TET3: variants seen among roughly 807,000 people sequenced by gnomAD.
TET3 encodes the protein methylcytosine dioxygenase TET3.
In TET3, 19 loss-of-function variants were observed where a neutral mutation model predicts 141.4. The observed-to-expected ratio is 0.13, with a 90% CI of 0.09 to 0.20. TET3 has a LOEUF of 0.20. Ranked by LOEUF, TET3 falls within the 10% of genes least tolerant of loss-of-function variation. The probability of loss-of-function intolerance (pLI) is 1.00; values close to 1 mark genes in which losing one functional copy is unlikely to be tolerated. For missense variants in TET3, 1,874 were observed against 2,356.9 expected, an observed-to-expected ratio of 0.80 and a Z score of 4.24; for synonymous variants, 1,043 against 980.9, an observed-to-expected ratio of 1.06 and a Z score of -1.18.
At chr2:74,120,013 G>C in the TET3 span, among the ~76,000 whole-genome samples, 1 of 152,202 alleles carries the variant, frequency 6.6e-6, no homozygotes, top group African/African-American at 2.4e-5. Context: ...TTACAGGCCT[G>C]AGGTGTCAGC....
intron 3 of TET3, among the ~76,000 whole-genome samples, chr2:74,043,750 G>A (rs982752716): frequency 3.3e-5 from 5 of 152,114 alleles, no homozygotes; most frequent in Admixed American, 3.3e-4. Flanking sequence ...GCGGGCTGGG[G>A]CCTCTGCTAA....
chr2:74,071,323 A>G (rs1043970321), intron 4 of TET3, among the ~76,000 whole-genome samples: 1 of 152,250 alleles, frequency 6.6e-6, no homozygotes, highest in Admixed American at 6.5e-5. Context: ...TTCAGTCCAC[A>G]GCAGGCTGTC....
chr2:74,050,938 G>A (rs139774118), intron 4 of TET3, among the ~76,000 whole-genome samples: 17 of 152,054 alleles, frequency 1.1e-4, no homozygotes, highest in Admixed American at 8.5e-4. Context: ...TTTTACCTCC[G>A]AGGCCCATGC....
At chr2:74,090,706 G>GGGA (rs1690442029) in intron 8 of TET3, among the ~76,000 whole-genome samples, 5 of 152,222 alleles carry the variant, frequency 3.3e-5, no homozygotes, top group Admixed American at 3.3e-4. Context: ...GTGGGGGCCG[G>GGGA]AGCATCTGCT....
intron 2 of TET3, 25 bp downstream of exon 2, chr2:73,986,731 C>T (rs1389524099): frequency 8.1e-7 from 1 of 1,231,604 alleles, no homozygotes; most frequent in Non-Finnish European, 1.0e-6. Flanking sequence ...GCTGGGCTAC[C>T]CTGTTCCTTC....
At chr2:74,016,336 A>G (rs1444448591) in intron 3 of TET3, among the ~76,000 whole-genome samples, 1 of 152,032 alleles carries the variant, frequency 6.6e-6, no homozygotes, top group Admixed American at 6.6e-5. Flanking sequence ...ATGGACTGTT[A>G]CTTACTCATG....
chr2:73,985,572 C>T (rs1346447312), intron 1 of TET3, among the ~76,000 whole-genome samples: 1 of 149,696 alleles, frequency 6.7e-6, no homozygotes, highest in Non-Finnish European at 1.5e-5. Flanking sequence ...AGGCGGCTTC[C>T]GTGCCGGGGG....
In TET3 at chr2:74,072,498, G is replaced by A. The variant is rs557497039; in HGVS notation, c.2495-1051G>A. The stretch of plus-strand genomic sequence containing the variant: ...TTGCACTCCAGCCTGGGCAACAAGA[G>A]CAAAACTCCATCTAAAAAAAAAAAA... On this transcript the variant is annotated intron_variant, in intron 4 of 11. Transcript: ENST00000409262. Among the ~76,000 whole-genome samples, 13 of 146,800 alleles carry A rather than the reference G, an allele frequency of 8.9e-5. No individual in the cohort carries two copies. In the South Asian group the frequency reaches 2.6e-3, roughly 29 times the overall value.
chr2:74,007,798 GTTTT>G (rs1168455152), intron 3 of TET3, among the ~76,000 whole-genome samples: 1 of 152,192 alleles, frequency 6.6e-6, no homozygotes. Flanking sequence ...GGAAGGACCA[GTTTT>G]TTTGTTTGTT....
the TET3 span, among the ~76,000 whole-genome samples, chr2:74,129,316 CAAAAAAAAAAAA>C: frequency 1.9e-5 from 1 of 51,292 alleles, no homozygotes; most frequent in Non-Finnish European, 3.4e-5. Flanking sequence ...AACTCCGTCT[CAAAAAAAAAAAA>C]AAAAAAAAAA....
chr2:74,074,345 G>A (rs1014196998), intron 5 of TET3, among the ~76,000 whole-genome samples: 1 of 152,228 alleles, frequency 6.6e-6, no homozygotes, highest in African/African-American at 2.4e-5. Context: ...GGCTGCTTAT[G>A]TAGAAAGAGC....
At chr2:73,996,050 C>T (rs1684577749) in intron 2 of TET3, among the ~76,000 whole-genome samples, 1 of 152,152 alleles carries the variant, frequency 6.6e-6, no homozygotes, top group South Asian at 2.1e-4. Context: ...CAGTCTTGGT[C>T]AGCAGCCCCA....
chr2:74,083,227 C>T (rs190946908), intron 6 of TET3, among the ~76,000 whole-genome samples: 5 of 152,302 alleles, frequency 3.3e-5, no homozygotes, highest in African/African-American at 9.6e-5. Flanking sequence ...AGATTCCAGG[C>T]GTGCCCTGGT....
chr2:74,072,466 C>T (rs1040989865), intron 4 of TET3, among the ~76,000 whole-genome samples: 1 of 150,686 alleles, frequency 6.6e-6, no homozygotes, highest in East Asian at 1.9e-4. Flanking sequence ...GAGCCAAGAT[C>T]GCGCCATTGC....
chr2:74,089,355 G>T (rs1452295886), intron 7 of TET3, among the ~76,000 whole-genome samples: 2 of 152,140 alleles, frequency 1.3e-5, no homozygotes, highest in African/African-American at 2.4e-5. Flanking sequence ...TTATCAATGA[G>T]TCGTAATCCA....
At chr2:74,129,346 A>AAAAAAAG in the TET3 span, among the ~76,000 whole-genome samples, 1 of 127,896 alleles carries the variant, frequency 7.8e-6, no homozygotes, top group Non-Finnish European at 1.6e-5. Flanking sequence ...AAAAAAAAAA[A>AAAAAAAG]ACCCGGCCGG....
In TET3 at chr2:74,047,384, G is replaced by T. The variant is rs1315128954; in HGVS notation, c.1467G>T (p.Lys489Asn). 1.9e-6 allele frequency: 3 copies of T among 1,613,670 alleles called. No individual in the cohort carries two copies. Among genetic ancestry groups the T allele is most frequent in the Non-Finnish European group, 2.5e-6 (3 of 1,179,880 alleles). ...CTGAGGCCCTGCCTACCAAGCCCAA[G>T]GTCAAGGTGGAGGCACCCTCTTCCT... is the stretch of plus-strand genomic sequence containing the variant. ...KRPEALPTKP[K>N]VKVEAPSSSP... Residue 489 changes from lysine to asparagine, a missense_variant, in exon 4 of 12, where the codon AAG (lysine) becomes AAT (asparagine). Physicochemically the swap from Lys to Asn is moderately conservative, Grantham distance 94. This residue lies in a region of TET3 where 484 missense variants were observed against 462.2 expected (regional missense o/e 1.05). Transcript: ENST00000409262.
At position 74,101,493 on chromosome 2, in the gene TET3, G is replaced by C. The variant is rs1183000775; in HGVS notation, c.4705G>C (p.Ala1569Pro). ...GAAAGGAGAGGAGGGCAGGATTCCA[G>C]CCGCAGGGGCCAGCCAGCTGGACAG... ...PMKGEEGRIP[A>P]AGASQLDRAW... The change falls in exon 12 of 12, where the codon GCC becomes CCC. Residue 1569 changes from alanine (A) to proline (P), a missense_variant. Physicochemically the swap from Ala to Pro is conservative, Grantham distance 27. Transcript: ENST00000409262. This position sits in a 1 kb window ranked among gnomAD's most constrained non-coding sequence, Gnocchi z 8.5. 1 of 1,613,146 alleles carries C rather than the reference G, an allele frequency of 6.2e-7. No homozygotes were observed. The highest frequency in any genetic ancestry group is 1.7e-5 in the Admixed American group (1 of 59,920).
At chr2:74,078,361 A>G (rs1326315914) in intron 5 of TET3, among the ~76,000 whole-genome samples, 2 of 152,238 alleles carry the variant, frequency 1.3e-5, no homozygotes, top group African/African-American at 2.4e-5. Flanking sequence ...AGATAAATGT[A>G]TTAATATGTA....
Sources: allele counts gnomAD v4.1 joint callset (sites outside exome capture counted in the v4.1 genomes callset), GRCh38; gene constraint gnomAD v4.1.1; regional missense constraint gnomAD v4.1.1; non-coding constraint Gnocchi (gnomAD v3.1); transcripts MANE v1.5; gene names NCBI Gene and HGNC (gene_info 2026-07-23, HGNC 2026-07-21).